The following PLCB1 variants were observed in gnomAD, a reference collection of about 807,000 sequenced individuals.
PLCB1 encodes the protein 1-phosphatidylinositol 4,5-bisphosphate phosphodiesterase beta-1.
PLCB1 carries 46 observed loss-of-function variants against 161.8 expected under a neutral mutation model. The ratio of observed to expected loss-of-function variants is 0.28; its 90% CI spans 0.22 to 0.36. PLCB1 has a LOEUF of 0.36. Ranked by LOEUF, PLCB1 falls within the 10% of genes least tolerant of loss-of-function variation. The pLI is 1.00. For missense variants in PLCB1, 1,016 were observed against 1,472.5 expected, an observed-to-expected ratio of 0.69 and a Z score of 5.07; for synonymous variants, 517 against 503.7, an observed-to-expected ratio of 1.03 and a Z score of -0.35.
intron 17 of PLCB1, among the ~76,000 whole-genome samples, chr20:8,728,183 T>G (rs1323832085): frequency 6.6e-6 from 1 of 152,122 alleles, no homozygotes; most frequent in Non-Finnish European, 1.5e-5. Flanking sequence ...AATAGTCCTA[T>G]GACATAGAAA....
At chr20:8,752,911 A>G (rs1981555341) in intron 23 of PLCB1, among the ~76,000 whole-genome samples, 1 of 152,098 alleles carries the variant, frequency 6.6e-6, no homozygotes, top group Non-Finnish European at 1.5e-5. Flanking sequence ...TCTGTAGCTT[A>G]TTAGGACCTG....
intron 3 of PLCB1, among the ~76,000 whole-genome samples, chr20:8,413,578 A>G (rs725319): frequency 0.039 from 5,961 of 152,296 alleles, 334 homozygotes; most frequent in African/African-American, 0.13. Flanking sequence ...AAGTGGACTC[A>G]ATCACTACTT....
intron 2 of PLCB1, among the ~76,000 whole-genome samples, chr20:8,218,293 C>G (rs999546329): frequency 6.6e-6 from 1 of 152,094 alleles, no homozygotes; most frequent in African/African-American, 2.4e-5. Flanking sequence ...GGCGCTTTGG[C>G]TCTTCCCTGC....
At chr20:8,161,855 G>A (rs766752009) in intron 2 of PLCB1, among the ~76,000 whole-genome samples, 2 of 151,326 alleles carry the variant, frequency 1.3e-5, no homozygotes, top group African/African-American at 4.9e-5. Context: ...TAGAAAGCAA[G>A]CTGACCTTAC....
At chr20:8,506,270 T>C (rs1983634317) in intron 3 of PLCB1, among the ~76,000 whole-genome samples, 1 of 152,246 alleles carries the variant, frequency 6.6e-6, no homozygotes, top group African/African-American at 2.4e-5. Flanking sequence ...TCTGTGAACT[T>C]GAACCTAACT....
intron 2 of PLCB1, among the ~76,000 whole-genome samples, chr20:8,345,526 T>G (rs1469484539): frequency 6.6e-6 from 1 of 152,184 alleles, no homozygotes; most frequent in Non-Finnish European, 1.5e-5. Context: ...CAAACCCTCT[T>G]TCTGGTCCAG....
At chr20:8,772,006 C>T (rs1034502012) in intron 26 of PLCB1, among the ~76,000 whole-genome samples, 5 of 151,254 alleles carry the variant, frequency 3.3e-5, no homozygotes, top group Admixed American at 6.6e-5. Flanking sequence ...CACAGACTCC[C>T]GGGTAGCTGG....
At chr20:8,394,102 AAC>A (rs1371869691) in intron 3 of PLCB1, among the ~76,000 whole-genome samples, 1 of 152,156 alleles carries the variant, frequency 6.6e-6, no homozygotes, top group South Asian at 2.1e-4. Flanking sequence ...TATTACTCAA[AAC>A]ACAAGAATTT....
intron 2 of PLCB1, among the ~76,000 whole-genome samples, chr20:8,349,921 T>A (rs933536770): frequency 6.6e-6 from 1 of 152,174 alleles, no homozygotes; most frequent in East Asian, 1.9e-4. Context: ...AAGCTGTCTT[T>A]ATTTGCAGAT....
Position 8,656,863 on chromosome 20 carries a change from G to T in PLCB1, c.595-321G>T, listed in dbSNP as rs188975019. On this transcript the variant is annotated intron_variant, in intron 7 of 31. Transcript: ENST00000338037. ...CTAGATCTAACTTGCTTTAGAAAAT[G>T]TATATAGGAAATTGCATTAACATCC... Among the ~76,000 whole-genome samples the T allele has an allele frequency of 3.6e-4, 54 of 150,776 alleles. No homozygotes were observed. The East Asian group carries it at 5.2e-3, about 15-fold the overall frequency.
At chr20:8,682,651 C>T (rs1990251446) in intron 9 of PLCB1, among the ~76,000 whole-genome samples, 1 of 152,152 alleles carries the variant, frequency 6.6e-6, no homozygotes, top group African/African-American at 2.4e-5. Context: ...ACAAATGGCA[C>T]ATCTCTTAGC....
chr20:8,546,776 T>C lies in PLCB1; in HGVS notation c.247-81518T>C, dbSNP rs117625707. Among the ~76,000 whole-genome samples, 336 of 151,336 alleles carry C rather than the reference T, an allele frequency of 2.2e-3. 5 individuals carry two copies. Among genetic ancestry groups the C allele is most frequent in the East Asian group, 0.021 (106 of 5,128 alleles). ...CTGTGTGTCTGTAGGAAATGACTAG[T>C]ATCATAAACCCTCTTGACAAAAAAA... On this transcript the variant is annotated intron_variant, in intron 3 of 31. Transcript: ENST00000338037.
At chr20:8,172,080 T>C (rs576965215) in intron 2 of PLCB1, among the ~76,000 whole-genome samples, 2 of 152,228 alleles carry the variant, frequency 1.3e-5, no homozygotes, top group South Asian at 4.1e-4. Context: ...GGTCTATGTA[T>C]AGGAATGTGC....
intron 7 of PLCB1, among the ~76,000 whole-genome samples, chr20:8,655,489 G>A (rs144362114): frequency 6.6e-6 from 1 of 152,192 alleles, no homozygotes; most frequent in African/African-American, 2.4e-5. Flanking sequence ...GACATGCAAG[G>A]TGTGATGTGT....
At chr20:8,134,699 T>C (rs1314056189) in intron 1 of PLCB1, among the ~76,000 whole-genome samples, 1 of 151,436 alleles carries the variant, frequency 6.6e-6, no homozygotes, top group Non-Finnish European at 1.5e-5. Context: ...GAGAGAGAGA[T>C]TGGGTGATGC....
chr20:8,252,296 G>A (rs1324018277), intron 2 of PLCB1, among the ~76,000 whole-genome samples: 1 of 151,926 alleles, frequency 6.6e-6, no homozygotes, highest in African/African-American at 2.4e-5. Context: ...CTTCTAGACT[G>A]TAATGAATAG....
chr20:8,206,403 T>C (rs1978532408), intron 2 of PLCB1, among the ~76,000 whole-genome samples: 1 of 152,146 alleles, frequency 6.6e-6, no homozygotes, highest in African/African-American at 2.4e-5. Context: ...TGGGATTCAA[T>C]AAAATGAGAC....
At chr20:8,493,953 C>G (rs1331257523) in intron 3 of PLCB1, among the ~76,000 whole-genome samples, 5 of 117,496 alleles carry the variant, frequency 4.3e-5, no homozygotes, top group African/African-American at 2.1e-4. Context: ...TCACTGGAAG[C>G]CGAACCTCAG....
At chr20:8,498,159 A>G (rs150713457) in intron 3 of PLCB1, among the ~76,000 whole-genome samples, 4,623 of 152,216 alleles carry the variant, frequency 0.03, 233 homozygotes, top group African/African-American at 0.11. Flanking sequence ...GTGCAGTGGC[A>G]CGATCTCAGC....
Sources: allele counts gnomAD v4.1 joint callset (sites outside exome capture counted in the v4.1 genomes callset), GRCh38; gene constraint gnomAD v4.1.1; transcripts MANE v1.5; gene names NCBI Gene and HGNC (gene_info 2026-07-23, HGNC 2026-07-21).